CSMD3: variants seen among roughly 807,000 people sequenced by gnomAD.
CSMD3 encodes CUB and Sushi multiple domains 3.
Under a neutral mutation model 435.2 loss-of-function variants are expected in CSMD3, and 177 were observed. The observed-to-expected ratio is 0.41, with a 90% CI of 0.36 to 0.46. The LOEUF is 0.46. Ranked by LOEUF, CSMD3 falls within the 20% of genes least tolerant of loss-of-function variation. The pLI is 0.34. For missense variants in CSMD3, 4,265 were observed against 4,504.6 expected (o/e 0.95, Z 1.52); for synonymous variants, 1,656 against 1,520.5 (o/e 1.09, Z -2.07).
chr8:113,174,710 TA>T (rs1194695987), intron 3 of CSMD3, among the ~76,000 whole-genome samples: 2 of 151,918 alleles, frequency 1.3e-5, no homozygotes, highest in African/African-American at 4.8e-5. Context: ...ACTTCAGGAT[TA>T]AAAATATTAG....
At chr8:113,361,119 T>C (rs938828354) in intron 1 of CSMD3, among the ~76,000 whole-genome samples, 1 of 152,216 alleles carries the variant, frequency 6.6e-6, no homozygotes, top group African/African-American at 2.4e-5. Flanking sequence ...CTCCATCTGC[T>C]GGCTTTTGAT....
chr8:112,589,116 A>T (rs1002902473), intron 22 of CSMD3, among the ~76,000 whole-genome samples: 4 of 152,188 alleles, frequency 2.6e-5, no homozygotes, highest in African/African-American at 9.6e-5. Flanking sequence ...AATATTTTTC[A>T]ATTGCACGTC....
chr8:112,561,139 T>C (rs1329916709), intron 24 of CSMD3, among the ~76,000 whole-genome samples: 1 of 151,738 alleles, frequency 6.6e-6, no homozygotes, highest in African/African-American at 2.4e-5. Context: ...GGAATTATTG[T>C]TGCTTATTCA....
At chr8:113,307,760 T>G (rs889912059) in intron 2 of CSMD3, among the ~76,000 whole-genome samples, 12 of 152,168 alleles carry the variant, frequency 7.9e-5, no homozygotes, top group African/African-American at 2.2e-4. Flanking sequence ...GATAAGCACA[T>G]GCTCAATATT....
At chr8:113,429,928 A>G (rs534065761) in intron 1 of CSMD3, among the ~76,000 whole-genome samples, 1 of 152,326 alleles carries the variant, frequency 6.6e-6, no homozygotes, top group Non-Finnish European at 1.5e-5. Flanking sequence ...GATTTGTGAC[A>G]AGATGAATGA....
At chr8:112,289,207 T>C (rs762950432) in intron 57 of CSMD3, among the ~76,000 whole-genome samples, 158 bp downstream of exon 57, 2 of 152,152 alleles carry the variant, frequency 1.3e-5, no homozygotes, top group Non-Finnish European at 2.9e-5. Context: ...CTTACACATA[T>C]TCCAGTAATG....
chr8:113,394,583 A>T (rs1460433827), intron 1 of CSMD3, among the ~76,000 whole-genome samples: 2 of 152,098 alleles, frequency 1.3e-5, no homozygotes, highest in Non-Finnish European at 2.9e-5. Context: ...TTACCTCTTC[A>T]CAATGTGTTT....
intron 1 of CSMD3, among the ~76,000 whole-genome samples, chr8:113,421,481 C>A (rs755191638): frequency 6.6e-6 from 1 of 152,248 alleles, no homozygotes; most frequent in Admixed American, 6.5e-5. Flanking sequence ...GCTTAAAAAT[C>A]CAACTAATAA....
At chr8:112,519,439 C>T (rs1824047906) in intron 27 of CSMD3, among the ~76,000 whole-genome samples, 1 of 152,110 alleles carries the variant, frequency 6.6e-6, no homozygotes, top group East Asian at 1.9e-4. Context: ...AAGATTACTT[C>T]CCTTTCTTGT....
intron 22 of CSMD3, among the ~76,000 whole-genome samples, chr8:112,605,348 T>C (rs1184726832): frequency 1.3e-5 from 2 of 152,170 alleles, no homozygotes; most frequent in Non-Finnish European, 2.9e-5. Flanking sequence ...ATTGCACTAT[T>C]CAAAATAGTA....
chr8:113,140,806 A>G (rs1451217267), intron 4 of CSMD3, among the ~76,000 whole-genome samples: 2 of 151,040 alleles, frequency 1.3e-5, no homozygotes, highest in African/African-American at 4.8e-5. Context: ...ATAAAAGAGG[A>G]AAGTCTCAAA....
chr8:112,564,248 T>A (rs886938549), intron 24 of CSMD3, among the ~76,000 whole-genome samples: 1 of 151,720 alleles, frequency 6.6e-6, no homozygotes, highest in Non-Finnish European at 1.5e-5. Flanking sequence ...GTTTACAGTG[T>A]CCCTTTCTAT....
At chr8:112,745,807 T>C (rs1274429487) in intron 13 of CSMD3, among the ~76,000 whole-genome samples, 1 of 152,094 alleles carries the variant, frequency 6.6e-6, no homozygotes, top group Non-Finnish European at 1.5e-5. Flanking sequence ...ATGTAGGGTA[T>C]TTATTTTATA....
chr8:113,362,938 A>C (rs529805424), intron 1 of CSMD3, among the ~76,000 whole-genome samples: 1 of 152,312 alleles, frequency 6.6e-6, no homozygotes, highest in Admixed American at 6.5e-5. Context: ...TTGAACACCA[A>C]TGCTGAGGAG....
At chr8:113,364,088 T>C (rs1255247986) in intron 1 of CSMD3, among the ~76,000 whole-genome samples, 1 of 152,178 alleles carries the variant, frequency 6.6e-6, no homozygotes, top group African/African-American at 2.4e-5. Flanking sequence ...ATATGGATGT[T>C]CAATTGTTTC....
At chr8:112,977,396 T>G (rs1219372947) in intron 6 of CSMD3, among the ~76,000 whole-genome samples, 2 of 152,040 alleles carry the variant, frequency 1.3e-5, no homozygotes, top group Non-Finnish European at 2.9e-5. Context: ...TAGATAACAA[T>G]GCTAGGGATA....
chr8:113,026,330 C>T (rs2086874891), intron 5 of CSMD3, among the ~76,000 whole-genome samples: 1 of 152,168 alleles, frequency 6.6e-6, no homozygotes, highest in South Asian at 2.1e-4. Context: ...GGTTTCTGTG[C>T]TTCACAGAGA....
In CSMD3 at chr8:112,398,251, C is replaced by T. The variant is rs565802631; in HGVS notation, c.5810-7463G>A. Among the ~76,000 whole-genome samples the T allele has an allele frequency of 5.9e-5, 9 of 152,170 alleles. No homozygotes were observed. The South Asian group carries it at 6.2e-4, about 10-fold the overall frequency. ...CAGGTTGGAGGTCTCCACCCAGACA[C>T]GCTGCAGGGAAGGTCCCACATTCTG... On this transcript the variant is annotated intron_variant, in intron 35 of 70. Transcript: ENST00000297405.
intron 5 of CSMD3, among the ~76,000 whole-genome samples, chr8:113,020,215 T>C (rs2131178375): frequency 6.6e-6 from 1 of 151,100 alleles, no homozygotes; most frequent in South Asian, 2.1e-4. Context: ...TATAATGTAT[T>C]AGAGGCCTGA....
Sources: allele counts gnomAD v4.1 joint callset (sites outside exome capture counted in the v4.1 genomes callset), GRCh38; gene constraint gnomAD v4.1.1; transcripts MANE v1.5; gene names NCBI Gene and HGNC (gene_info 2026-07-23, HGNC 2026-07-21).